The following ELL variants were observed in gnomAD, a reference collection of about 807,000 sequenced individuals.
ELL encodes RNA polymerase II elongation factor ELL.
ELL carries 18 observed loss-of-function variants against 64.0 expected under a neutral mutation model. The observed-to-expected ratio is 0.28, with a 90% CI of 0.19 to 0.42. The LOEUF is 0.42. ELL is among the 10% of genes least tolerant of loss of function. ELL has a pLI of 1.00. For missense variants in ELL, 797 were observed against 870.4 expected (o/e 0.92, Z 1.06); for synonymous variants, 399 against 376.2 (o/e 1.06, Z -0.70).
At chr19:18,506,678 C>T (rs1444841610) in intron 1 of ELL, among the ~76,000 whole-genome samples, 1 of 152,174 alleles carries the variant, frequency 6.6e-6, no homozygotes, top group Non-Finnish European at 1.5e-5. Flanking sequence ...GAGCTATGAT[C>T]ACACCACTGC....
At chr19:18,448,234 C>A (rs1402916533) in intron 8 of ELL, 1 of 152,078 alleles carries the variant, frequency 6.6e-6, no homozygotes, top group Non-Finnish European at 1.5e-5. Context: ...TGTGCCTGGC[C>A]CTAGTGCACA....
chr19:18,446,169 G>T, intron 10 of ELL, 140 bp downstream of exon 10: 1 of 1,070,252 alleles, frequency 9.3e-7, no homozygotes. Context: ...TTGCTGCATG[G>T]AGTGCACCAG....
chr19:18,454,150 AATGG>A (rs1974601354), intron 6 of ELL, among the ~76,000 whole-genome samples: 1 of 152,196 alleles, frequency 6.6e-6, no homozygotes, highest in Non-Finnish European at 1.5e-5. Context: ...GCTCACTTTA[AATGG>A]ATGACTTGTG....
chr19:18,492,228 C>CGGTGACCTGGAAGCTTCCTCATCCGTCAT (rs1975548226), intron 1 of ELL, among the ~76,000 whole-genome samples: 3 of 152,178 alleles, frequency 2.0e-5, no homozygotes, highest in Non-Finnish European at 2.9e-5. Context: ...AGGCCACATT[C>CGGTGACCTGGAAGCTTCCTCATCCGTCAT]GGTGACCTGG....
At chr19:18,453,246 T>C (rs971842587) in intron 6 of ELL, among the ~76,000 whole-genome samples, 2 of 152,150 alleles carry the variant, frequency 1.3e-5, no homozygotes, top group Non-Finnish European at 2.9e-5. Flanking sequence ...TGCACTCCAG[T>C]CTGGGCAACA....
chr19:18,509,584 C>CGT (rs1975959548), intron 1 of ELL, among the ~76,000 whole-genome samples: 3 of 117,330 alleles, frequency 2.6e-5, no homozygotes, highest in African/African-American at 1.2e-4. Context: ...AATGCACGTG[C>CGT]GCGCGCGCGC....
chr19:18,452,052 C>A (rs1426244784), intron 6 of ELL, among the ~76,000 whole-genome samples: 1 of 152,216 alleles, frequency 6.6e-6, no homozygotes, highest in Non-Finnish European at 1.5e-5. Context: ...TCCTGGAAGC[C>A]CAGGTCACAG....
intron 1 of ELL, among the ~76,000 whole-genome samples, chr19:18,494,120 T>TG (rs1975592879): frequency 1.3e-5 from 2 of 152,030 alleles, no homozygotes; most frequent in Admixed American, 1.3e-4. Context: ...AGTTTCTGTT[T>TG]GGAGACTGAG....
At chr19:18,479,993 C>G (rs1237601816) in intron 1 of ELL, among the ~76,000 whole-genome samples, 2 of 152,212 alleles carry the variant, frequency 1.3e-5, no homozygotes, top group Non-Finnish European at 2.9e-5. Flanking sequence ...CTGCTGTCTA[C>G]TGGGCAAGGC....
At chr19:18,496,286 G>T (rs897028104) in intron 1 of ELL, among the ~76,000 whole-genome samples, 1 of 152,256 alleles carries the variant, frequency 6.6e-6, no homozygotes, top group South Asian at 2.1e-4. Context: ...CCAAGAGGTG[G>T]CCGGGCCACT....
At chr19:18,462,179 A>AGT (rs758119031) in intron 4 of ELL, among the ~76,000 whole-genome samples, 14,818 of 119,968 alleles carry the variant, frequency 0.12, 898 homozygotes, top group East Asian at 0.16. Context: ...TCTGGTGGGC[A>AGT]GTGTGTGTGT....
intron 2 of ELL, among the ~76,000 whole-genome samples, chr19:18,468,074 A>G (rs1248951077): frequency 1.5e-5 from 2 of 137,718 alleles, no homozygotes; most frequent in African/African-American, 5.5e-5. Flanking sequence ...ACCCCTCCAC[A>G]CCAAACCCCT....
At chr19:18,492,892 G>A (rs535190739) in intron 1 of ELL, among the ~76,000 whole-genome samples, 3 of 152,214 alleles carry the variant, frequency 2.0e-5, no homozygotes, top group South Asian at 4.1e-4. Context: ...AAGTCCCACT[G>A]GCCAGGCTGC....
chr19:18,478,851 C>A (rs1422520289), intron 1 of ELL, among the ~76,000 whole-genome samples: 1 of 152,222 alleles, frequency 6.6e-6, no homozygotes, highest in Non-Finnish European at 1.5e-5. Flanking sequence ...CTGGGAGACT[C>A]CTGTAGGCAG....
At chr19:18,469,762 C>G (rs1463074063) in intron 2 of ELL, among the ~76,000 whole-genome samples, 1 of 152,234 alleles carries the variant, frequency 6.6e-6, no homozygotes, top group African/African-American at 2.4e-5. Flanking sequence ...ACCATGGCCA[C>G]CAGGGGGCGT....
intron 6 of ELL, 59 bp downstream of exon 6, chr19:18,458,146 T>C (rs1974720951): frequency 9.4e-6 from 15 of 1,590,434 alleles, no homozygotes; most frequent in African/African-American, 1.3e-5. Flanking sequence ...ATCCTCTGGG[T>C]AAGCTCTGGC....
intron 4 of ELL, among the ~76,000 whole-genome samples, chr19:18,463,316 C>T (rs758705334): frequency 7.0e-6 from 1 of 142,534 alleles, no homozygotes; most frequent in African/African-American, 2.6e-5. Context: ...GGAACACGCA[C>T]ATTCACATCT....
intron 1 of ELL, among the ~76,000 whole-genome samples, chr19:18,474,589 A>C (rs1975138386): frequency 6.6e-6 from 1 of 152,234 alleles, no homozygotes; most frequent in Non-Finnish European, 1.5e-5. Context: ...ACCACTGTCC[A>C]TGGTGCAACA....
Position 18,444,674 on chromosome 19 carries a change from T to G in ELL, c.*78A>C. On this transcript the variant is annotated 3_prime_UTR_variant, in exon 12 of 12. Coordinates refer to ENST00000262809, the MANE Select transcript of ELL (RefSeq NM_006532.4). ...GCTCAGATGAGCATCTTCCTCGGGT[T>G]TATTTTTTTAAATAAATCCTCTCTC... 1 of 1,433,808 alleles carries G rather than the reference T, an allele frequency of 7.0e-7. No individual in the cohort carries two copies. The highest frequency in any genetic ancestry group is 9.4e-7 in the Non-Finnish European group (1 of 1,062,160). The allele number at this position is 1,433,808 out of a possible 1,614,324, so 88.8% of individuals were successfully genotyped here.
Sources: gnomAD v4.1 joint callset for allele counts (sites outside exome capture counted in the v4.1 genomes callset) on GRCh38, gnomAD v4.1.1 for gene constraint, MANE v1.5 for transcripts, NCBI Gene and HGNC (gene_info 2026-07-23, HGNC 2026-07-21) for gene names.